MIX23: variants seen among roughly 807,000 people sequenced by gnomAD.
MIX23 encodes mitochondrial matrix import factor 23.
Under a neutral mutation model 21.6 loss-of-function variants are expected in MIX23, and 13 were observed. The ratio of observed to expected loss-of-function variants is 0.60; its 90% CI spans 0.39 to 0.96. The LOEUF is 0.96. Among genes scored for constraint, MIX23 ranks in the 40% least tolerant of loss-of-function variants. MIX23 has a pLI of 0.00. For missense variants in MIX23, 144 were observed against 171.2 expected, an observed-to-expected ratio of 0.84 and a Z score of 0.89; for synonymous variants, 59 against 58.0, an observed-to-expected ratio of 1.02 and a Z score of -0.08.
rs780854122 is a variant in MIX23 at position 122,383,149 on chromosome 3, T to C, written c.51+25A>G. 1.3e-5 allele frequency: 21 copies of C among 1,613,784 alleles called. 1 individual carries two copies. The highest frequency in any genetic ancestry group is 3.3e-4 in the Middle Eastern group (2 of 5,984). ...CTGGGGACAAAAGGAGGCACATGCC[T>C]GCCACATGAGGAAAACCCCATCACC... On this transcript the variant is annotated intron_variant, in intron 1 of 4. Coordinates refer to ENST00000291458, the MANE Select transcript of MIX23 (RefSeq NM_001017928.4).
intron 1 of MIX23, among the ~76,000 whole-genome samples, chr3:122,375,280 G>A (rs1272337541): frequency 3.9e-5 from 6 of 152,216 alleles, no homozygotes; most frequent in African/African-American, 1.4e-4. Flanking sequence ...TTCCAGGCTT[G>A]GGGCCTAAGC....
chr3:122,363,101 G>T, intron 3 of MIX23, 74 bp from the exon 4 acceptor site: 1 of 1,267,608 alleles, frequency 7.9e-7, no homozygotes, highest in Non-Finnish European at 1.1e-6. Context: ...AAAATTTAAA[G>T]AGCTAAAACC....
chr3:122,373,541 T>C (rs936636114), intron 1 of MIX23, among the ~76,000 whole-genome samples: 2 of 152,250 alleles, frequency 1.3e-5, no homozygotes, highest in African/African-American at 4.8e-5. Context: ...CCCAAAGTGC[T>C]GGGATTACAG....
At chr3:122,364,281 C>G (rs146273212) in intron 3 of MIX23, among the ~76,000 whole-genome samples, 77 of 152,330 alleles carry the variant, frequency 5.1e-4, no homozygotes, top group Middle Eastern at 3.4e-3. Context: ...AGGACTCATT[C>G]TGACAATTAG....
At chr3:122,371,935 C>G in intron 1 of MIX23, 135 bp from the exon 2 acceptor site, 4 of 669,596 alleles carry the variant, frequency 6.0e-6, no homozygotes, top group Non-Finnish European at 9.9e-6. Flanking sequence ...AAGCCAAATA[C>G]ATGCAACCAT....
At chr3:122,381,603 C>T (rs1455998978) in intron 1 of MIX23, among the ~76,000 whole-genome samples, 1 of 151,788 alleles carries the variant, frequency 6.6e-6, no homozygotes, top group African/African-American at 2.4e-5. Context: ...TGGTAGGCGC[C>T]TATAATCCCA....
At chr3:122,362,524 C>T (rs1274234444) in intron 4 of MIX23, among the ~76,000 whole-genome samples, 1 of 151,736 alleles carries the variant, frequency 6.6e-6, no homozygotes, top group African/African-American at 2.4e-5. Flanking sequence ...TTCTGTTGCC[C>T]AGGCTGGAGT....
chr3:122,371,919 G>A (rs2075444762), intron 1 of MIX23, 119 bp from the exon 2 acceptor site: 1 of 788,700 alleles, frequency 1.3e-6, no homozygotes, highest in Non-Finnish European at 2.0e-6. Context: ...CAGGAGTGAG[G>A]AAACCAAGCC....
rs79917265 is a variant in MIX23, at chr3:122,362,773, T to C, written c.384+195A>G. On this transcript the variant is annotated intron_variant, in intron 4 of 4. Coordinates refer to ENST00000291458, the MANE Select transcript of MIX23 (RefSeq NM_001017928.4). ...CTAATCGTTATAAAATGGCTCTAAT[T>C]AGATGCTAACTGCATCCTGCTCTCC... 4.0e-3 allele frequency among the ~76,000 whole-genome samples: 605 copies of C among 152,110 alleles called. 3 individuals are homozygous for C. Among genetic ancestry groups the C allele is most frequent in the African/African-American group, 0.014 (577 of 41,476 alleles).
At chr3:122,369,941 G>A (rs1221898632) in intron 2 of MIX23, among the ~76,000 whole-genome samples, 4 of 152,030 alleles carry the variant, frequency 2.6e-5, no homozygotes, top group Non-Finnish European at 5.9e-5. Context: ...GTGGAGATGT[G>A]GTTTCGCCAT....
At chr3:122,383,079 T>C (rs2075548068) in intron 1 of MIX23, 95 bp downstream of exon 1, 1 of 1,518,260 alleles carries the variant, frequency 6.6e-7, no homozygotes. Context: ...TTGCCCGCTT[T>C]TTCCAAAGCT....
At chr3:122,375,903 G>A (rs1286106943) in intron 1 of MIX23, among the ~76,000 whole-genome samples, 1 of 152,110 alleles carries the variant, frequency 6.6e-6, no homozygotes, top group Non-Finnish European at 1.5e-5. Context: ...GATGGGCGCA[G>A]TGGCTCACGC....
intron 1 of MIX23, among the ~76,000 whole-genome samples, chr3:122,379,214 T>C (rs1277465616): frequency 6.6e-6 from 1 of 152,226 alleles, no homozygotes; most frequent in African/African-American, 2.4e-5. Flanking sequence ...GCATGCCATT[T>C]AGTCAATCAT....
At position 122,372,224 on chromosome 3, in the gene MIX23, CAAAAA is replaced by C. The variant is rs55800173; in HGVS notation, c.52-429_52-425del. ...CTTACCTCAGAAAGCCTCCAACTCT[CAAAAA>C]AAAAAAAAAAAAAAAAAAACCAACA... On this transcript the variant is annotated intron_variant, in intron 1 of 4. Transcript: ENST00000291458. Among the ~76,000 whole-genome samples the C allele has an allele frequency of 1.1e-4, 5 of 46,082 alleles. No homozygotes were observed. The East Asian group carries it at 3.2e-3, about 30-fold the overall frequency. The allele number at this position is 46,082 out of a possible 152,430, so 30.2% of individuals were successfully genotyped here.
At chr3:122,377,752 G>C (rs1345067220) in intron 1 of MIX23, among the ~76,000 whole-genome samples, 1 of 152,156 alleles carries the variant, frequency 6.6e-6, no homozygotes, top group South Asian at 2.1e-4. Context: ...GGATGCTGGG[G>C]CAGAAGGATC....
intron 1 of MIX23, among the ~76,000 whole-genome samples, chr3:122,379,749 A>C (rs2075515949): frequency 6.6e-6 from 1 of 152,236 alleles, no homozygotes; most frequent in Non-Finnish European, 1.5e-5. Flanking sequence ...TCTTGTGTAG[A>C]ACCCTCATGA....
chr3:122,365,204 G>A (rs547131548), intron 3 of MIX23: 1 of 152,120 alleles, frequency 6.6e-6, no homozygotes, highest in Admixed American at 6.5e-5. Context: ...AACTAGTGGG[G>A]ATTTTTTGAC....
At chr3:122,372,239 A>AAC (rs2075447285) in intron 1 of MIX23, among the ~76,000 whole-genome samples, 2 of 151,450 alleles carry the variant, frequency 1.3e-5, no homozygotes, top group African/African-American at 4.8e-5. Flanking sequence ...AAAAAAAAAA[A>AAC]AAAAAAAAAC....
rs748976751 is a variant in MIX23 at position 122,368,205 on chromosome 3, A to G, written c.295T>C (p.Leu99=). ...REKNLDDLTL[L]KQLRKEQTKL... ...GTCTGCTCTTTTCTAAGTTGTTTTA[A>G]TAACGTTAAATCGTCCAAATTCTTT... The change falls in exon 3 of 5, where the codon TTA becomes CTA. Residue 99 remains leucine (L), a synonymous_variant. Coordinates refer to ENST00000291458, the MANE Select transcript of MIX23 (RefSeq NM_001017928.4). 18 of 1,610,238 alleles carry G rather than the reference A, an allele frequency of 1.1e-5. No individual in the cohort carries two copies. Among genetic ancestry groups the G allele is most frequent in the Non-Finnish European group, 1.5e-5 (18 of 1,179,658 alleles).
Sources: allele counts gnomAD v4.1 joint callset (sites outside exome capture counted in the v4.1 genomes callset), GRCh38; gene constraint gnomAD v4.1.1; transcripts MANE v1.5; gene names NCBI Gene and HGNC (gene_info 2026-07-23, HGNC 2026-07-21).